Variants in ST6GALNAC3 observed in about 807,000 individuals in gnomAD.
The protein encoded by ST6GALNAC3 is ST6 N-acetylgalactosaminide alpha-2,6-sialyltransferase 3.
In ST6GALNAC3, 25 loss-of-function variants were observed where a neutral mutation model predicts 32.7. The observed-to-expected ratio is 0.76, with a 90% CI of 0.56 to 1.07. ST6GALNAC3 has a LOEUF of 1.07. Among genes scored for constraint, ST6GALNAC3 ranks in the 50% least tolerant of loss-of-function variants. The pLI, the probability that ST6GALNAC3 is intolerant of heterozygous loss-of-function variation, is 0.00. For synonymous variants in ST6GALNAC3, 129 were observed against 133.1 expected (o/e 0.97, Z 0.21); for missense variants, 355 against 382.4 (o/e 0.93, Z 0.60).
chr1:76,507,162 G>A lies in ST6GALNAC3; in HGVS notation c.623+94745G>A, dbSNP rs1488255707. Among the ~76,000 whole-genome samples the A allele has an allele frequency of 3.9e-5, 6 of 152,136 alleles. No individual in the cohort carries two copies. The South Asian group carries it at 6.2e-4, about 16-fold the overall frequency. On this transcript the variant is annotated intron_variant, in intron 3 of 4. Transcript: ENST00000328299. The stretch of plus-strand genomic sequence containing the variant: ...GTAGGTGAACTTGGAGGGAGAGGTC[G>A]CTGGAGGAGGTAATATGGTCAAGTA...
intron 1 of ST6GALNAC3, among the ~76,000 whole-genome samples, chr1:76,121,606 C>T (rs917091962): frequency 6.6e-6 from 1 of 152,146 alleles, no homozygotes; most frequent in African/African-American, 2.4e-5. Context: ...ATCCCAGCTA[C>T]TCTGGAGGCT....
intron 1 of ST6GALNAC3, chr1:76,310,045 C>T (rs763682667): frequency 6.3e-6 from 3 of 473,690 alleles, no homozygotes; most frequent in Non-Finnish European, 1.3e-5. Flanking sequence ...GTCCCCAAAC[C>T]CCCAGCCATG....
intron 3 of ST6GALNAC3, among the ~76,000 whole-genome samples, chr1:76,605,333 G>A (rs1647456354): frequency 6.6e-6 from 1 of 152,064 alleles, no homozygotes. Flanking sequence ...CTGAACTAGT[G>A]GTGAATTGAC....
chr1:76,383,015 A>C (rs1651830679), intron 2 of ST6GALNAC3, among the ~76,000 whole-genome samples: 1 of 152,280 alleles, frequency 6.6e-6, no homozygotes, highest in East Asian at 1.9e-4. Flanking sequence ...AAAGTCTGTC[A>C]GAAAACAAAA....
At chr1:76,437,825 C>A (rs966223136) in intron 3 of ST6GALNAC3, among the ~76,000 whole-genome samples, 3 of 152,072 alleles carry the variant, frequency 2.0e-5, no homozygotes, top group Non-Finnish European at 4.4e-5. Flanking sequence ...CCACCCGCCT[C>A]AGCCTCCCAA....
At chr1:76,206,011 A>T (rs12048928) in intron 1 of ST6GALNAC3, among the ~76,000 whole-genome samples, 82,400 of 152,108 alleles carry the variant, frequency 0.54, 24,024 homozygotes, top group East Asian at 0.88. Flanking sequence ...TTTAAATGGT[A>T]TTTCTTGAGC....
In ST6GALNAC3 at chr1:76,460,652, T is replaced by A. The variant is rs138428899; in HGVS notation, c.623+48235T>A. ...TTTGCCATCAAAGTCAATTGCCGAA[T>A]GACTCTGACTTTATTATTCTTTATT... On this transcript the variant is annotated intron_variant, in intron 3 of 4. Coordinates refer to ENST00000328299, the MANE Select transcript of ST6GALNAC3 (RefSeq NM_152996.4). 9.2e-5 allele frequency among the ~76,000 whole-genome samples: 14 copies of A among 152,312 alleles called. No individual in the cohort carries two copies. In the East Asian group the frequency reaches 2.7e-3, roughly 29 times the overall value.
At chr1:76,119,683 AAACTTGAAC>A (rs567664961) in intron 1 of ST6GALNAC3, among the ~76,000 whole-genome samples, 32 of 152,370 alleles carry the variant, frequency 2.1e-4, no homozygotes, top group Admixed American at 1.8e-3. Flanking sequence ...AAGTTAGGTG[AAACTTGAAC>A]AACAATAGTA....
At chr1:76,468,174 C>T (rs1209003702) in intron 3 of ST6GALNAC3, among the ~76,000 whole-genome samples, 2 of 151,786 alleles carry the variant, frequency 1.3e-5, no homozygotes, top group Non-Finnish European at 2.9e-5. Context: ...GTGGGTCTAG[C>T]TTAGTGTTTG....
At chr1:76,355,993 A>T (rs1398689034) in intron 2 of ST6GALNAC3, among the ~76,000 whole-genome samples, 6 of 152,182 alleles carry the variant, frequency 3.9e-5, no homozygotes, top group African/African-American at 1.4e-4. Flanking sequence ...GAGCAAAGTG[A>T]TATTTTATAG....
intron 3 of ST6GALNAC3, among the ~76,000 whole-genome samples, chr1:76,442,611 C>T (rs1193850625): frequency 1.3e-5 from 2 of 152,104 alleles, no homozygotes; most frequent in African/African-American, 2.4e-5. Flanking sequence ...AGAACACATC[C>T]TACTTTTTCC....
At chr1:76,371,516 G>T (rs1349504519) in intron 2 of ST6GALNAC3, among the ~76,000 whole-genome samples, 1 of 152,180 alleles carries the variant, frequency 6.6e-6, no homozygotes, top group Non-Finnish European at 1.5e-5. Flanking sequence ...AAAGCAATTG[G>T]TTCAGTTTAG....
chr1:76,477,279 A>T (rs1426736923), intron 3 of ST6GALNAC3, among the ~76,000 whole-genome samples: 1 of 151,814 alleles, frequency 6.6e-6, no homozygotes, highest in Admixed American at 6.6e-5. Context: ...ACATATGGAG[A>T]CCTGACTCAC....
At chr1:76,233,219 T>C (rs1439257959) in intron 1 of ST6GALNAC3, among the ~76,000 whole-genome samples, 1 of 152,200 alleles carries the variant, frequency 6.6e-6, no homozygotes, top group Non-Finnish European at 1.5e-5. Flanking sequence ...GAGGCCAGTT[T>C]AGTTAGATTT....
At chr1:76,419,384 G>A (rs1227975485) in intron 3 of ST6GALNAC3, among the ~76,000 whole-genome samples, 1 of 152,090 alleles carries the variant, frequency 6.6e-6, no homozygotes, top group Non-Finnish European at 1.5e-5. Flanking sequence ...GAAACTCAAA[G>A]GCAAAAGTAG....
intron 2 of ST6GALNAC3, chr1:76,353,910 G>C: frequency 6.1e-6 from 1 of 164,448 alleles, no homozygotes; most frequent in Admixed American, 6.2e-5. Flanking sequence ...AAGCAGGTGG[G>C]TCTTTGACAG....
At chr1:76,341,605 T>TTTTTCTTTCTTTC (rs1553181634) in intron 2 of ST6GALNAC3, among the ~76,000 whole-genome samples, 2 of 91,186 alleles carry the variant, frequency 2.2e-5, no homozygotes, top group Admixed American at 1.2e-4. Context: ...TCCAAACTGC[T>TTTTTCTTTCTTTC]TTTCTTTCTT....
At chr1:76,529,706 T>C (rs1663134194) in intron 3 of ST6GALNAC3, among the ~76,000 whole-genome samples, 1 of 152,120 alleles carries the variant, frequency 6.6e-6, no homozygotes, top group Admixed American at 6.6e-5. Context: ...AGATACACAG[T>C]AAAATGCAAA....
chr1:76,621,328 A>T (rs1648634352), intron 3 of ST6GALNAC3, among the ~76,000 whole-genome samples: 1 of 152,000 alleles, frequency 6.6e-6, no homozygotes. Flanking sequence ...TCAGGCCTGG[A>T]TTCCTTTCAC....
Sources: gnomAD v4.1 joint callset for allele counts (sites outside exome capture counted in the v4.1 genomes callset) on GRCh38, gnomAD v4.1.1 for gene constraint, MANE v1.5 for transcripts, NCBI Gene and HGNC (gene_info 2026-07-23, HGNC 2026-07-21) for gene names.